Variants in STYXL2 observed in about 807,000 individuals in gnomAD.
STYXL2 encodes serine/threonine/tyrosine-interacting-like protein 2.
STYXL2 carries 44 observed loss-of-function variants against 52.4 expected under a neutral mutation model. That is an observed-to-expected ratio of 0.84 (90% CI 0.66 to 1.08). STYXL2 has a LOEUF of 1.08. Among genes scored for constraint, STYXL2 ranks in the 50% least tolerant of loss-of-function variants. STYXL2 has a pLI of 0.00. For missense variants in STYXL2, 1,604 were observed against 1,471.7 expected (o/e 1.09, Z -1.47); for synonymous variants, 604 against 586.9 (o/e 1.03, Z -0.42).
intron 4 of STYXL2, 90 bp downstream of exon 4, chr1:167,117,649 G>T (rs146929565): frequency 1.6e-6 from 2 of 1,224,062 alleles, no homozygotes; most frequent in Non-Finnish European, 1.1e-6. Context: ...CACCAAAGGC[G>T]CCCATAGGTC....
At chr1:167,117,654 T>C (rs992435682) in intron 4 of STYXL2, 95 bp downstream of exon 4, 6 of 1,157,152 alleles carry the variant, frequency 5.2e-6, no homozygotes, top group Non-Finnish European at 7.4e-6. Flanking sequence ...AAGGCGCCCA[T>C]AGGTCCATCC....
chr1:167,128,932 A>G lies in STYXL2; in HGVS notation c.*324A>G, dbSNP rs1668036002. 3.9e-6 allele frequency: 1 copy of G among 258,570 alleles called. No homozygotes were observed. Among genetic ancestry groups the G allele is most frequent in the Non-Finnish European group, 7.4e-6 (1 of 135,512 alleles). The allele number at this position is 258,570 out of a possible 1,614,324, so 16.0% of individuals were successfully genotyped here. On this transcript the variant is annotated 3_prime_UTR_variant, in exon 6 of 6. Coordinates refer to ENST00000361200, the MANE Select transcript of STYXL2 (RefSeq NM_001080426.3). ...CAGGCTAGAGAGGTGAGCTTGGAAA[A>G]GCACTGTAGTTTGTCAGAGACTCCA...
intron 2 of STYXL2, among the ~76,000 whole-genome samples, chr1:167,111,509 TATATACAC>T (rs1387187706): frequency 0.013 from 630 of 48,174 alleles, 3 homozygotes; most frequent in Non-Finnish European, 0.017. Context: ...TATATATATA[TATATACAC>T]ACACACACAC....
Position 167,113,781 on chromosome 1 carries a change from C to A in STYXL2, c.182C>A (p.Ala61Glu). Residue 61 changes from alanine (A) to glutamate (E), a missense_variant, in exon 3 of 6, where the codon GCA becomes GAA. Coordinates refer to ENST00000361200, the MANE Select transcript of STYXL2 (RefSeq NM_001080426.3). ...MEPIHLSSAIAAKQIINEELK... is the reference protein window; with the variant it reads ...MEPIHLSSAIEAKQIINEELK... ...CCCATTCACCTCTCCTCAGCCATTG[C>A]AGCCAAACAGATCATCAATGAAGGT... 1 of 1,613,796 alleles carries A rather than the reference C, an allele frequency of 6.2e-7. No individual in the cohort carries two copies. The highest frequency in any genetic ancestry group is 8.5e-7 in the Non-Finnish European group (1 of 1,179,762).
intron 3 of STYXL2, among the ~76,000 whole-genome samples, chr1:167,115,531 A>T (rs1667706246): frequency 6.6e-6 from 1 of 152,194 alleles, no homozygotes; most frequent in African/African-American, 2.4e-5. Context: ...AAGAAAAGAA[A>T]TGGAAACAAC....
rs548298482 is a variant in STYXL2, at chr1:167,112,639, T to C, written c.111-1071T>C. Among the ~76,000 whole-genome samples, 3 of 152,330 alleles carry C rather than the reference T, an allele frequency of 2.0e-5. No individual in the cohort carries two copies. The South Asian group carries it at 6.2e-4, about 32-fold the overall frequency. ...TTCTAATCTAAATGGTATCTGTGTA[T>C]TGTGGAGAGAACACTGGACCTACAG... On this transcript the variant is annotated intron_variant, in intron 2 of 5. Transcript: ENST00000361200.
rs368942709 is a variant in STYXL2, at chr1:167,120,614, TTC to T, written c.655+1150_655+1151del. ...AAGGGAAAATACAAGCACACATATTTTCTTTTTTTTAATTATTTTTACTTTTT... is the reference window on the plus strand; with the variant it reads ...AAGGGAAAATACAAGCACACATATTTTTTTTTTTAATTATTTTTACTTTTT... On this transcript the variant is annotated intron_variant, in intron 5 of 5. Transcript: ENST00000361200. Among the ~76,000 whole-genome samples, 1,224 of 151,600 alleles carry T rather than the reference TTC, an allele frequency of 8.1e-3. 5 individuals are homozygous for T. Among genetic ancestry groups the T allele is most frequent in the African/African-American group, 0.027 (1,137 of 41,376 alleles).
intron 2 of STYXL2, among the ~76,000 whole-genome samples, chr1:167,113,416 C>T (rs1465678202): frequency 6.6e-6 from 1 of 152,204 alleles, no homozygotes; most frequent in Non-Finnish European, 1.5e-5. Context: ...GAAGCCACAT[C>T]AGGGTGGGTT....
Position 167,094,901 on chromosome 1 carries a change from G to C in STYXL2, c.52G>C (p.Asp18His), listed in dbSNP as rs771063721. 16 of 1,613,228 alleles carry C rather than the reference G, an allele frequency of 9.9e-6. No homozygotes were observed. The South Asian group carries it at 1.8e-4, about 18-fold the overall frequency. ...GGAGCAGGTAGTCCCAAGCGAGGAG[G>C]ACGAAGCCAACGTGAGGGCGGTGCA... ...EEEQVVPSEE[D>H]EANVRAVQAH... Residue 18 changes from aspartate to histidine, a missense_variant, in exon 2 of 6, where the codon GAC becomes CAC. Asp to His is a moderately conservative substitution (Grantham distance 81, BLOSUM62 -1). Transcript: ENST00000361200.
intron 2 of STYXL2, among the ~76,000 whole-genome samples, chr1:167,099,932 A>T (rs1471148376): frequency 6.6e-6 from 1 of 152,238 alleles, no homozygotes; most frequent in Non-Finnish European, 1.5e-5. Context: ...TATTTATTTT[A>T]AAAACTGCCT....
At chr1:167,097,402 C>G (rs1304583724) in intron 2 of STYXL2, among the ~76,000 whole-genome samples, 2 of 152,194 alleles carry the variant, frequency 1.3e-5, no homozygotes, top group African/African-American at 4.8e-5. Context: ...ACTCAAAGTT[C>G]TTTCCTAGAT....
chr1:167,127,580 A>AG lies in STYXL2; in HGVS notation c.2454dup (p.Thr819AspfsTer11). 6.2e-7 allele frequency: 1 copy of AG among 1,614,148 alleles called. No individual in the cohort carries two copies. The highest frequency in any genetic ancestry group is 8.5e-7 in the Non-Finnish European group (1 of 1,180,010). ...CGCGGAAAGTTGCAGAAGCAAAGTG[A>AG]GGGGGACCAGCAAGCCCATCTTCAG... On this transcript the variant is annotated frameshift_variant, in exon 6 of 6. Coordinates refer to ENST00000361200, the MANE Select transcript of STYXL2 (RefSeq NM_001080426.3). LOFTEE classifies it high-confidence loss of function.
At chr1:167,122,646 T>C (rs1667881544) in intron 5 of STYXL2, among the ~76,000 whole-genome samples, 2 of 152,154 alleles carry the variant, frequency 1.3e-5, no homozygotes, top group African/African-American at 2.4e-5. Flanking sequence ...CCAGTAGCTG[T>C]ACTCTTAAAA....
rs143226201 is a variant in STYXL2 at position 167,128,194 on chromosome 1, C to A, written c.3063C>A (p.Phe1021Leu). ...GGGAGGGCAGAGAGATGCACAAGTT[C>A]TCCAGGTCCACGTACAACGAGACCT... ...STREGREMHKFSRSTYNETSS... is the reference protein window; with the variant it reads ...STREGREMHKLSRSTYNETSS... The change falls in exon 6 of 6, where the codon TTC (phenylalanine) becomes TTA (leucine). Residue 1021 changes from phenylalanine to leucine, a missense_variant. Phe to Leu is a conservative substitution (Grantham distance 22). Coordinates refer to ENST00000361200, the MANE Select transcript of STYXL2 (RefSeq NM_001080426.3). 7.3e-5 allele frequency: 118 copies of A among 1,614,228 alleles called. No homozygotes were observed. Among genetic ancestry groups the A allele is most frequent in the Admixed American group, 6.8e-4 (41 of 60,030 alleles).
chr1:167,096,667 G>A (rs998497408), intron 2 of STYXL2, among the ~76,000 whole-genome samples: 4 of 152,084 alleles, frequency 2.6e-5, no homozygotes, highest in East Asian at 1.9e-4. Context: ...ATATTCTATC[G>A]TCTAGAACTC....
At chr1:167,097,860 C>T (rs569958382) in intron 2 of STYXL2, among the ~76,000 whole-genome samples, 5 of 152,138 alleles carry the variant, frequency 3.3e-5, no homozygotes, top group Admixed American at 1.3e-4. Flanking sequence ...ACAAGAGACA[C>T]ACCTTAAAAA....
At chr1:167,114,567 A>G (rs950302) in intron 3 of STYXL2, among the ~76,000 whole-genome samples, 70,838 of 151,716 alleles carry the variant, frequency 0.47, 16,808 homozygotes, top group East Asian at 0.73. Flanking sequence ...TATTAGAATC[A>G]CATGCTACTC....
At position 167,094,915 on chromosome 1, in the gene STYXL2, G is replaced by A. The variant is rs1194160924; in HGVS notation, c.66G>A (p.Val22=). ...CAAGCGAGGAGGACGAAGCCAACGT[G>A]AGGGCGGTGCAGGCCCACTACCTCC... is the stretch of plus-strand genomic sequence containing the variant. ...VVPSEEDEAN[V]RAVQAHYLRS... Residue 22 remains valine (V), a synonymous_variant, in exon 2 of 6, where the codon GTG becomes GTA. Coordinates refer to ENST00000361200, the MANE Select transcript of STYXL2 (RefSeq NM_001080426.3). 6.2e-7 allele frequency: 1 copy of A among 1,612,446 alleles called. No individual in the cohort carries two copies.
At chr1:167,096,573 T>C (rs188113617) in intron 2 of STYXL2, among the ~76,000 whole-genome samples, 4 of 152,298 alleles carry the variant, frequency 2.6e-5, no homozygotes, top group Admixed American at 2.0e-4. Context: ...CTCATCAGTA[T>C]TAACATAAAA....
Sources: gnomAD v4.1 joint callset for allele counts (sites outside exome capture counted in the v4.1 genomes callset) on GRCh38, gnomAD v4.1.1 for gene constraint, MANE v1.5 for transcripts, NCBI Gene and HGNC (gene_info 2026-07-23, HGNC 2026-07-21) for gene names.